Variants in PTPRO observed in about 807,000 individuals in gnomAD.
PTPRO encodes the protein receptor-type tyrosine-protein phosphatase O.
A neutral mutation model predicts 145.2 loss-of-function variants in PTPRO; 62 were observed. That is an observed-to-expected ratio of 0.43 (90% CI 0.35 to 0.53). PTPRO has a LOEUF of 0.53. PTPRO is among the 20% of genes least tolerant of loss of function. The pLI is 0.01. For synonymous variants in PTPRO, 565 were observed against 514.7 expected (o/e 1.10, Z -1.32); for missense variants, 1,345 against 1,482.7 (o/e 0.91, Z 1.53).
intron 1 of PTPRO, among the ~76,000 whole-genome samples, chr12:15,476,593 G>T (rs953686350): frequency 6.6e-6 from 1 of 150,916 alleles, no homozygotes. Context: ...GTCAATTTTG[G>T]CTTTTGTTGC....
rs73066699 is a variant in PTPRO at position 15,568,499 on chromosome 12, A to G, written c.2748-918A>G. 8.0e-3 allele frequency among the ~76,000 whole-genome samples: 1,221 copies of G among 152,264 alleles called. 8 individuals are homozygous for G. The highest frequency in any genetic ancestry group is 0.014 in the Non-Finnish European group (950 of 68,000). On this transcript the variant is annotated intron_variant, in intron 18 of 26. Transcript: ENST00000281171. ...TTAGATGATATAAGCTGAGTAACAC[A>G]CCACAAGACCAAGGGAAGGGTCAAC...
intron 1 of PTPRO, among the ~76,000 whole-genome samples, chr12:15,448,815 A>G (rs763379989): frequency 2.0e-5 from 3 of 152,162 alleles, no homozygotes; most frequent in Non-Finnish European, 4.4e-5. Context: ...TAATTAGGGT[A>G]CTATGTATAT....
At chr12:15,409,388 G>A (rs1448643659) in intron 1 of PTPRO, among the ~76,000 whole-genome samples, 1 of 152,134 alleles carries the variant, frequency 6.6e-6, no homozygotes, top group Non-Finnish European at 1.5e-5. Flanking sequence ...CATAAGCCAA[G>A]ATAAAATTTG....
At position 15,405,499 on chromosome 12, in the gene PTPRO, G is replaced by T. The variant is rs1939622460; in HGVS notation, c.76-78475G>T. ...ATATGAGTTCTAATCAGAACTCATAGTTCCATATGCCTTTGGTTAATACAA... is the reference window on the plus strand; with the variant it reads ...ATATGAGTTCTAATCAGAACTCATATTTCCATATGCCTTTGGTTAATACAA... On this transcript the variant is annotated intron_variant, in intron 1 of 26. Coordinates refer to ENST00000281171, the MANE Select transcript of PTPRO (RefSeq NM_030667.3). Among the ~76,000 whole-genome samples, 4 of 152,210 alleles carry T rather than the reference G, an allele frequency of 2.6e-5. No individual in the cohort carries two copies. In the South Asian group the frequency reaches 8.3e-4, roughly 32 times the overall value.
intron 1 of PTPRO, among the ~76,000 whole-genome samples, chr12:15,433,052 T>A (rs933414329): frequency 6.7e-6 from 1 of 149,306 alleles, no homozygotes; most frequent in Admixed American, 6.7e-5. Context: ...TAGATCCCAA[T>A]TGTTAATTTT....
chr12:15,449,590 C>G (rs1339738885), intron 1 of PTPRO, among the ~76,000 whole-genome samples: 1 of 152,072 alleles, frequency 6.6e-6, no homozygotes, highest in Non-Finnish European at 1.5e-5. Context: ...AGTAGATGCT[C>G]TTACTATAGA....
chr12:15,343,929 C>G (rs1413530322), intron 1 of PTPRO, among the ~76,000 whole-genome samples: 2 of 152,182 alleles, frequency 1.3e-5, no homozygotes, highest in Non-Finnish European at 2.9e-5. Context: ...CGTGATCCGC[C>G]CGCCTCGGCC....
chr12:15,509,911 A>G (rs1002038411), intron 7 of PTPRO, among the ~76,000 whole-genome samples: 1 of 152,082 alleles, frequency 6.6e-6, no homozygotes, highest in African/African-American at 2.4e-5. Context: ...CCCAGAGTGG[A>G]CCTTGCTCTC....
At chr12:15,461,278 G>A (rs985934598) in intron 1 of PTPRO, among the ~76,000 whole-genome samples, 1 of 152,128 alleles carries the variant, frequency 6.6e-6, no homozygotes, top group East Asian at 1.9e-4. Flanking sequence ...TAAGCTGGAA[G>A]CACAAGCTCC....
At chr12:15,565,370 A>C in intron 17 of PTPRO, 1 of 377,836 alleles carries the variant, frequency 2.6e-6, no homozygotes, top group Non-Finnish European at 4.8e-6. Flanking sequence ...GGAAGTATAA[A>C]GTGCAGATAT....
At chr12:15,415,635 C>T (rs1014740396) in intron 1 of PTPRO, among the ~76,000 whole-genome samples, 55 of 151,838 alleles carry the variant, frequency 3.6e-4, no homozygotes, top group Admixed American at 2.1e-3. Context: ...TCCGCCCACC[C>T]TGGCCTCCCA....
intron 10 of PTPRO, among the ~76,000 whole-genome samples, chr12:15,524,318 G>A (rs1942791963): frequency 6.6e-6 from 1 of 152,108 alleles, no homozygotes; most frequent in Non-Finnish European, 1.5e-5. Context: ...CTTCTATCCT[G>A]CTTGTAGTAC....
chr12:15,487,825 T>C lies in PTPRO; in HGVS notation c.349+3578T>C, dbSNP rs1211322827. 2.0e-5 allele frequency among the ~76,000 whole-genome samples: 3 copies of C among 152,234 alleles called. No individual in the cohort carries two copies. The East Asian group carries it at 5.8e-4, about 29-fold the overall frequency. On this transcript the variant is annotated intron_variant, in intron 2 of 26. Transcript: ENST00000281171. ...TTTAATTTTAATTAGTTTTAGTTCATTTAAAATTTGATTTAAATAGCTCTA... is the reference window on the plus strand; with the variant it reads ...TTTAATTTTAATTAGTTTTAGTTCACTTAAAATTTGATTTAAATAGCTCTA...
chr12:15,363,503 A>C (rs1170951410), intron 1 of PTPRO, among the ~76,000 whole-genome samples: 2 of 152,164 alleles, frequency 1.3e-5, no homozygotes, highest in Non-Finnish European at 2.9e-5. Context: ...GTAATCAAGG[A>C]TAAATGTAAG....
In PTPRO at chr12:15,450,303, G is replaced by A. The variant is rs747030524; in HGVS notation, c.76-33671G>A. Among the ~76,000 whole-genome samples, 162 of 152,154 alleles carry A rather than the reference G, an allele frequency of 1.1e-3. 1 individual carries two copies. The highest frequency in any genetic ancestry group is 1.6e-3 in the Non-Finnish European group (107 of 67,982). ...CTCTCCTGAATATTAAAGACCCTCTGCCAGAAGTAGCTTAAGGAAACGACT... is the reference window on the plus strand; with the variant it reads ...CTCTCCTGAATATTAAAGACCCTCTACCAGAAGTAGCTTAAGGAAACGACT... On this transcript the variant is annotated intron_variant, in intron 1 of 26. Transcript: ENST00000281171.
At chr12:15,583,299 A>ATAC (rs1944360091) in intron 23 of PTPRO, among the ~76,000 whole-genome samples, 1 of 152,160 alleles carries the variant, frequency 6.6e-6, no homozygotes, top group Admixed American at 6.5e-5. Flanking sequence ...TGAGCAACAC[A>ATAC]GGGAGATCCC....
Position 15,497,348 on chromosome 12 carries a change from A to T in PTPRO, c.453A>T (p.Thr151=). The change falls in exon 3 of 27, where the codon ACA becomes ACT. Residue 151 remains threonine (T), a synonymous_variant. Coordinates refer to ENST00000281171, the MANE Select transcript of PTPRO (RefSeq NM_030667.3). ...IHYPEKYNVF[T]RVNISYWEGK... ...ATCCAGAAAAATATAACGTTTTCAC[A>T]AGAGTGAACATTAGCTACTGGGAAG... 6.2e-7 allele frequency: 1 copy of T among 1,612,882 alleles called. No individual in the cohort carries two copies.
intron 15 of PTPRO, among the ~76,000 whole-genome samples, chr12:15,552,212 T>C (rs1176254562): frequency 6.6e-6 from 1 of 152,210 alleles, no homozygotes; most frequent in Non-Finnish European, 1.5e-5. Flanking sequence ...GAAAAGCCTT[T>C]GATTTATGAT....
At position 15,442,213 on chromosome 12, in the gene PTPRO, T is replaced by C. The variant is rs116849166; in HGVS notation, c.76-41761T>C. Among the ~76,000 whole-genome samples, 4 of 152,252 alleles carry C rather than the reference T, an allele frequency of 2.6e-5. No individual in the cohort carries two copies. The East Asian group carries it at 7.7e-4, about 29-fold the overall frequency. ...GATTCAATGTACACAAATCAATAAA[T>C]GTGACTCACCACATAAAGAATTAAA... On this transcript the variant is annotated intron_variant, in intron 1 of 26. Coordinates refer to ENST00000281171, the MANE Select transcript of PTPRO (RefSeq NM_030667.3).
Sources: allele counts gnomAD v4.1 joint callset (sites outside exome capture counted in the v4.1 genomes callset), GRCh38; gene constraint gnomAD v4.1.1; transcripts MANE v1.5; gene names NCBI Gene and HGNC (gene_info 2026-07-23, HGNC 2026-07-21).